The following CIZ1 variants were observed in gnomAD, a reference collection of about 807,000 sequenced individuals.
The protein encoded by CIZ1 is CDKN1A interacting zinc finger protein 1.
Under a neutral mutation model 118.6 loss-of-function variants are expected in CIZ1, and 58 were observed. The observed-to-expected ratio is 0.49, with a 90% confidence interval of 0.40 to 0.61. The LOEUF is 0.61. CIZ1 is among the 20% of genes least tolerant of loss of function. The probability of loss-of-function intolerance (pLI) is 0.00; values close to 1 mark genes in which losing one functional copy is unlikely to be tolerated. For missense variants in CIZ1, 921 were observed against 1,115.9 expected (o/e 0.83, Z 2.49); for synonymous variants, 448 against 443.4 (o/e 1.01, Z -0.13).
chr9:128,199,202 T>A (rs1458154883), intron 1 of CIZ1, among the ~76,000 whole-genome samples: 2 of 151,924 alleles, frequency 1.3e-5, no homozygotes, highest in African/African-American at 4.8e-5. Context: ...ACCCTGTCTG[T>A]ACTAAAAATA....
At chr9:128,179,903 C>A (rs988903882) in intron 7 of CIZ1, among the ~76,000 whole-genome samples, 8 of 151,076 alleles carry the variant, frequency 5.3e-5, no homozygotes, top group African/African-American at 1.9e-4. Flanking sequence ...AACTCCCAAC[C>A]TCAGGTGATC....
intron 5 of CIZ1, among the ~76,000 whole-genome samples, chr9:128,184,633 C>T (rs187854116): frequency 6.6e-6 from 1 of 151,960 alleles, no homozygotes; most frequent in East Asian, 1.9e-4. Context: ...CCTGGGATTA[C>T]AGGCATGCAC....
intron 14 of CIZ1, 157 bp downstream of exon 14, chr9:128,168,895 C>T: frequency 9.7e-7 from 1 of 1,035,692 alleles, no homozygotes; most frequent in Non-Finnish European, 1.4e-6. Flanking sequence ...TGCATAATTA[C>T]ATAGTCATGC....
rs780188256 is a variant in CIZ1, at chr9:128,177,654, G to A, written c.1730C>T (p.Ser577Phe). The change falls in exon 10 of 17, where the codon TCC becomes TTC. Residue 577 changes from serine to phenylalanine, a missense_variant. Transcript: ENST00000372938. ...AGTGCTGGTAGCCGCAGGGGTGGAG[G>A]AGACGGAGTCACTGGGGCGGGGGAC... ...TPVPRPSDSVSSTPAATSTPS... is the reference protein window; with the variant it reads ...TPVPRPSDSVFSTPAATSTPS... The A allele has an allele frequency of 1.5e-4, 238 of 1,593,114 alleles. No homozygotes were observed. Among genetic ancestry groups the A allele is most frequent in the Non-Finnish European group, 1.8e-4 (211 of 1,170,222 alleles).
At chr9:128,188,826 G>T (rs1200447460) in intron 3 of CIZ1, among the ~76,000 whole-genome samples, 3 of 151,466 alleles carry the variant, frequency 2.0e-5, no homozygotes, top group Admixed American at 6.6e-5. Context: ...TTGAGACAGG[G>T]TCTCGCTCTG....
chr9:128,203,948 T>G lies in CIZ1; in HGVS notation c.-6+238A>C, dbSNP rs1330539698. On this transcript the variant is annotated intron_variant, in intron 1 of 17. Coordinates refer to the CIZ1 transcript ENST00000372948. The surrounding 1 kb of genome is among the most constrained non-coding windows in gnomAD (Gnocchi z 5.3). Reference sequence around the variant, plus strand: ...AAAGAGCTGCCCCCCGCCCCCAACATGGGCATGGAGAGAGCCCGCATTACT... The same window carrying G: ...AAAGAGCTGCCCCCCGCCCCCAACAGGGGCATGGAGAGAGCCCGCATTACT... 4 of 177,236 alleles carry G rather than the reference T, an allele frequency of 2.3e-5. No homozygotes were observed. Among genetic ancestry groups the G allele is most frequent in the Non-Finnish European group, 4.7e-5 (4 of 85,342 alleles). 11.0% of individuals were successfully genotyped at this position (177,236 alleles called of 1,614,324 possible). A position where few individuals can be genotyped will look rare whatever the true frequency, so the allele number is the denominator to read the frequency against.
rs1831249051 is a variant in CIZ1 at position 128,179,186 on chromosome 9, G to A, written c.1021C>T (p.Leu341=). ...PSTDTQVQPK[L]QKQAQTQTSP... ...GTCTGTGTTTGCGCCTGCTTCTGCA[G>A]CTTTGGCTGCACCTGGGTGTCTGTG... The change falls in exon 8 of 17, where the codon CTG becomes TTG. Residue 341 remains leucine (L), a synonymous_variant. Transcript: ENST00000372938. 3 of 1,614,108 alleles carry A rather than the reference G, an allele frequency of 1.9e-6. No homozygotes were observed. Among genetic ancestry groups the A allele is most frequent in the Non-Finnish European group, 1.7e-6 (2 of 1,180,010 alleles).
At position 128,180,504 on chromosome 9, in the gene CIZ1, G is replaced by A; in HGVS notation, c.702C>T (p.Cys234=). ...GTTTTTCCTTGGCGATGTCCTCTGGGCAGGGCGGTAAATCTTGGTCTGGAA... is the reference window on the plus strand; with the variant it reads ...GTTTTTCCTTGGCGATGTCCTCTGGACAGGGCGGTAAATCTTGGTCTGGAA... ...DTPEDQDLPP[C]PEDIAKEKRT... The change falls in exon 7 of 17, where the codon TGC becomes TGT. Residue 234 remains cysteine (C), a synonymous_variant. Coordinates refer to ENST00000372938, the MANE Select transcript of CIZ1 (RefSeq NM_001131016.2). 6.2e-7 allele frequency: 1 copy of A among 1,614,038 alleles called. No individual in the cohort carries two copies. The highest frequency in any genetic ancestry group is 8.5e-7 in the Non-Finnish European group (1 of 1,179,944).
Position 128,180,762 on chromosome 9 carries a change from C to T in CIZ1, c.641G>A (p.Gly214Glu), listed in dbSNP as rs376517766. 7 of 1,609,912 alleles carry T rather than the reference C, an allele frequency of 4.3e-6. No homozygotes were observed. The highest frequency in any genetic ancestry group is 1.3e-5 in the African/African-American group (1 of 74,470). The change falls in exon 6 of 17, where the codon GGG becomes GAG. Residue 214 changes from glycine (G) to glutamate (E), a missense_variant. By Grantham distance (98) the Gly-to-Glu change is moderately conservative. Coordinates refer to ENST00000372938, the MANE Select transcript of CIZ1 (RefSeq NM_001131016.2). ...PVEDKSDPPE[G>E]SEEAAEPRMD... is the part of the protein sequence containing the mutation. The stretch of plus-strand genomic sequence containing the variant: ...CCGGGGCTCTGCGGCTTCCTCAGAC[C>T]CCTCTGGGGGGTCTGACTTGTCTTC...
At chr9:128,180,663 C>T (rs575983539) in intron 6 of CIZ1, 58 bp downstream of exon 6, 9 of 1,420,196 alleles carry the variant, frequency 6.3e-6, no homozygotes, top group Non-Finnish European at 7.9e-6. Context: ...TGCTGACCCG[C>T]CCACTGGCCC....
At chr9:128,172,909 G>A (rs1223420533) in intron 11 of CIZ1, among the ~76,000 whole-genome samples, 1 of 152,114 alleles carries the variant, frequency 6.6e-6, no homozygotes, top group East Asian at 1.9e-4. Context: ...GAGAGTACCA[G>A]GTTTTAGATT....
intron 11 of CIZ1, among the ~76,000 whole-genome samples, chr9:128,171,902 T>C (rs1454452758): frequency 6.6e-6 from 1 of 151,488 alleles, no homozygotes; most frequent in Non-Finnish European, 1.5e-5. Flanking sequence ...AACTTCTACA[T>C]GTTGAAAGAT....
At position 128,182,600 on chromosome 9, in the gene CIZ1, C is replaced by A. The variant is rs149321694; in HGVS notation, c.589-1786G>T. Among the ~76,000 whole-genome samples the A allele has an allele frequency of 4.8e-3, 732 of 152,276 alleles. 2 individuals carry two copies. Among genetic ancestry groups the A allele is most frequent in the Non-Finnish European group, 7.4e-3 (502 of 68,010 alleles). On this transcript the variant is annotated intron_variant, in intron 5 of 16. Coordinates refer to ENST00000372938, the MANE Select transcript of CIZ1 (RefSeq NM_001131016.2). The stretch of plus-strand genomic sequence containing the variant: ...GCACAAACGGGCCTCTGCACACTAC[C>A]TGCCCCGGCCATGCCCCCGCAACCA...
At chr9:128,199,836 T>A (rs1588286236) in intron 1 of CIZ1, 1 of 144,352 alleles carries the variant, frequency 6.9e-6, no homozygotes. Context: ...CAGGCTGGAG[T>A]GCATGGTGTG....
At chr9:128,184,771 G>A (rs1410685967) in intron 5 of CIZ1, among the ~76,000 whole-genome samples, 3 of 151,970 alleles carry the variant, frequency 2.0e-5, no homozygotes, top group Non-Finnish European at 4.4e-5. Context: ...GGGTTCAAGC[G>A]ATTCTCCTGC....
chr9:128,173,850 C>CA (rs1302526199), intron 11 of CIZ1, among the ~76,000 whole-genome samples: 10 of 151,840 alleles, frequency 6.6e-5, no homozygotes, highest in Admixed American at 6.6e-4. Context: ...ACTAAAAATA[C>CA]AAAAAATTAG....
Position 128,166,923 on chromosome 9 carries a change from C to T in CIZ1, c.2366-43G>A. 1 of 1,613,808 alleles carries T rather than the reference C, an allele frequency of 6.2e-7. No individual in the cohort carries two copies. The highest frequency in any genetic ancestry group is 8.5e-7 in the Non-Finnish European group (1 of 1,179,796). Reference sequence around the variant, plus strand: ...AGGGTCTGCACTCACATCCCTGTACCAGCGAGGTGTCCCTCCCTCTCTAGG... The same window carrying T: ...AGGGTCTGCACTCACATCCCTGTACTAGCGAGGTGTCCCTCCCTCTCTAGG... On this transcript the variant is annotated intron_variant, in intron 15 of 16. Transcript: ENST00000372938. The surrounding 1 kb of genome is among the most constrained non-coding windows in gnomAD (Gnocchi z 4.4).
intron 11 of CIZ1, among the ~76,000 whole-genome samples, chr9:128,170,385 G>A (rs1032624953): frequency 4.6e-5 from 7 of 152,222 alleles, no homozygotes; most frequent in African/African-American, 1.7e-4. Context: ...TGTACATCCT[G>A]ACAGTGTATC....
Position 128,190,780 on chromosome 9 carries a change from C to T in CIZ1, c.78G>A (p.Gln26=). Residue 26 remains glutamine (Q), a synonymous_variant, in exon 2 of 17, where the codon CAG becomes CAA. Coordinates refer to ENST00000372938, the MANE Select transcript of CIZ1 (RefSeq NM_001131016.2). The part of the protein sequence containing the change: ...QLQQLQQQQL[Q]QQQLQQQQLL... ...ACTGCTGCTGCTGCAATTGCTGCTG[C>T]TGGAGCTGCTGCTGCTGTAACTGCT... The T allele has an allele frequency of 6.5e-7, 1 of 1,542,696 alleles. No individual in the cohort carries two copies. Among genetic ancestry groups the T allele is most frequent in the South Asian group, 1.2e-5 (1 of 83,964 alleles).
Sources: gnomAD v4.1 joint callset for allele counts (sites outside exome capture counted in the v4.1 genomes callset) on GRCh38, gnomAD v4.1.1 for gene constraint, Gnocchi (gnomAD v3.1) non-coding constraint, MANE v1.5 for transcripts, NCBI Gene and HGNC (gene_info 2026-07-23, HGNC 2026-07-21) for gene names.